Variants in TOM1L2 observed in about 807,000 individuals in gnomAD.
The protein encoded by TOM1L2 is TOM1-like protein 2.
TOM1L2 carries 31 observed loss-of-function variants against 67.9 expected under a neutral mutation model. That is an observed-to-expected ratio of 0.46 (90% CI 0.34 to 0.62). The LOEUF is 0.62. Ranked by LOEUF, TOM1L2 falls within the 20% of genes least tolerant of loss-of-function variation. TOM1L2 has a pLI of 0.01. For missense variants in TOM1L2, 606 were observed against 663.5 expected, an observed-to-expected ratio of 0.91 and a Z score of 0.95; for synonymous variants, 256 against 254.0, an observed-to-expected ratio of 1.01 and a Z score of -0.07.
At chr17:17,912,671 G>A (rs1227766022) in intron 1 of TOM1L2, among the ~76,000 whole-genome samples, 2 of 150,780 alleles carry the variant, frequency 1.3e-5, no homozygotes, top group South Asian at 2.1e-4. Flanking sequence ...GTGGGATGGC[G>A]GCCGGACGGA....
At chr17:17,907,561 A>G (rs1299192983) in intron 1 of TOM1L2, 30 bp from the exon 2 acceptor site, 3 of 1,604,434 alleles carry the variant, frequency 1.9e-6, no homozygotes, top group African/African-American at 2.7e-5. Flanking sequence ...ATGGGTTTAC[A>G]TTTCTCCTGG....
chr17:17,870,580 G>A (rs1252244261), intron 7 of TOM1L2, among the ~76,000 whole-genome samples: 2 of 152,148 alleles, frequency 1.3e-5, no homozygotes, highest in Admixed American at 6.5e-5. Context: ...AAGACATGAA[G>A]GATAAGTCTC....
Position 17,905,635 on chromosome 17 carries a change from C to T in TOM1L2, c.137+1812G>A, listed in dbSNP as rs372488953. On this transcript the variant is annotated intron_variant, in intron 2 of 14. Transcript: ENST00000379504. Reference sequence around the variant, plus strand: ...TTCATCACAGCCTCGAACTCCTAGGCGTAAGCAATCTTCCTGCCTCAGCCT... The same window carrying T: ...TTCATCACAGCCTCGAACTCCTAGGTGTAAGCAATCTTCCTGCCTCAGCCT... 3.6e-3 allele frequency among the ~76,000 whole-genome samples: 547 copies of T among 152,280 alleles called. 3 individuals are homozygous for T. The highest frequency in any genetic ancestry group is 6.1e-3 in the Non-Finnish European group (418 of 68,020).
intron 3 of TOM1L2, among the ~76,000 whole-genome samples, chr17:17,898,171 G>A (rs546984112): frequency 5.3e-4 from 80 of 152,098 alleles, no homozygotes; most frequent in Non-Finnish European, 7.6e-4. Flanking sequence ...AGATCCTCCC[G>A]CTTCAGCCTC....
chr17:17,910,142 C>G (rs1348079541), intron 1 of TOM1L2, among the ~76,000 whole-genome samples: 1 of 152,198 alleles, frequency 6.6e-6, no homozygotes, highest in Non-Finnish European at 1.5e-5. Context: ...ACTGCTGGGT[C>G]AGGGAGTAGC....
chr17:17,887,566 TC>T (rs2038062756), intron 4 of TOM1L2, among the ~76,000 whole-genome samples: 2 of 152,196 alleles, frequency 1.3e-5, no homozygotes, highest in African/African-American at 2.4e-5. Context: ...AACCTCTGCC[TC>T]CGGGCTCAAG....
chr17:17,954,312 C>CTTT (rs5819638), intron 1 of TOM1L2, among the ~76,000 whole-genome samples: 29 of 134,646 alleles, frequency 2.2e-4, no homozygotes, highest in East Asian at 6.5e-4. Context: ...ATAAATCATT[C>CTTT]TTTTTTTTTT....
At position 17,868,532 on chromosome 17, in the gene TOM1L2, A is replaced by G. The variant is rs551297398; in HGVS notation, c.911+808T>C. Among the ~76,000 whole-genome samples the G allele has an allele frequency of 1.1e-4, 16 of 152,306 alleles. No homozygotes were observed. The South Asian group carries it at 3.3e-3, about 32-fold the overall frequency. On this transcript the variant is annotated intron_variant, in intron 8 of 14. Coordinates refer to ENST00000379504, the MANE Select transcript of TOM1L2 (RefSeq NM_001082968.2). The stretch of plus-strand genomic sequence containing the variant: ...ACTCAAGCCACTGTCCTGTCCTCTC[A>G]AGCCTCATCTTTAAGGGGAAAAGGT...
chr17:17,931,025 T>C (rs2040310635), intron 1 of TOM1L2, among the ~76,000 whole-genome samples: 2 of 152,188 alleles, frequency 1.3e-5, no homozygotes, highest in South Asian at 4.1e-4. Flanking sequence ...TCATATAAAA[T>C]ATAAAATGTT....
At chr17:17,862,939 TG>T (rs2036641238) in intron 10 of TOM1L2, 91 bp from the exon 11 acceptor site, 6 of 341,638 alleles carry the variant, frequency 1.8e-5, no homozygotes, top group East Asian at 9.5e-5. Flanking sequence ...GCCAGCCAGG[TG>T]GGTTTAGGTT....
At chr17:17,891,028 C>T (rs974732814) in intron 4 of TOM1L2, among the ~76,000 whole-genome samples, 1 of 152,190 alleles carries the variant, frequency 6.6e-6, no homozygotes, top group African/African-American at 2.4e-5. Context: ...GAAGAACACT[C>T]TCCAGCTGGG....
chr17:17,882,660 AG>A, intron 6 of TOM1L2, 44 bp downstream of exon 6: 1 of 1,601,336 alleles, frequency 6.2e-7, no homozygotes, highest in Non-Finnish European at 8.5e-7. Context: ...AAGATGAAAA[AG>A]GATAGTCAGC....
chr17:17,857,370 G>T (rs1159679333), intron 12 of TOM1L2, among the ~76,000 whole-genome samples: 1 of 152,212 alleles, frequency 6.6e-6, no homozygotes. Context: ...GGCTACAGAG[G>T]GCTTCCCTGA....
At chr17:17,911,630 G>A (rs1159732221) in intron 1 of TOM1L2, among the ~76,000 whole-genome samples, 1 of 151,962 alleles carries the variant, frequency 6.6e-6, no homozygotes, top group Non-Finnish European at 1.5e-5. Context: ...CTTTGCTCTT[G>A]ATTAGCTGGA....
intron 12 of TOM1L2, among the ~76,000 whole-genome samples, chr17:17,852,137 C>T (rs899575638): frequency 6.6e-6 from 1 of 152,194 alleles, no homozygotes; most frequent in African/African-American, 2.4e-5. Flanking sequence ...TAGCTGGCTT[C>T]ACCCAATGCC....
At chr17:17,967,461 C>T (rs2041913095) in intron 1 of TOM1L2, among the ~76,000 whole-genome samples, 1 of 152,244 alleles carries the variant, frequency 6.6e-6, no homozygotes, top group Admixed American at 6.5e-5. Context: ...TGTATGTCAT[C>T]CAACTCCAAG....
intron 8 of TOM1L2, chr17:17,869,122 C>A (rs1353651818): frequency 3.7e-6 from 3 of 820,594 alleles, no homozygotes; most frequent in Non-Finnish European, 5.4e-6. Flanking sequence ...GAGCCTAATT[C>A]TGCACGTCAA....
chr17:17,878,492 C>A (rs555103342), intron 7 of TOM1L2, among the ~76,000 whole-genome samples: 2 of 151,536 alleles, frequency 1.3e-5, no homozygotes, highest in Non-Finnish European at 2.9e-5. Flanking sequence ...TCTCCACCCA[C>A]CCTCACCCCC....
chr17:17,915,805 A>T (rs1568265270), intron 1 of TOM1L2, among the ~76,000 whole-genome samples: 1 of 149,710 alleles, frequency 6.7e-6, no homozygotes. Context: ...CACAGGCATG[A>T]GCCACAATGC....
Sources: gnomAD v4.1 joint callset for allele counts (sites outside exome capture counted in the v4.1 genomes callset) on GRCh38, gnomAD v4.1.1 for gene constraint, MANE v1.5 for transcripts, NCBI Gene and HGNC (gene_info 2026-07-23, HGNC 2026-07-21) for gene names.